The following BANK1 variants were observed in gnomAD, a reference collection of about 807,000 sequenced individuals.
The protein encoded by BANK1 is B-cell scaffold protein with ankyrin repeats.
Under a neutral mutation model 94.5 loss-of-function variants are expected in BANK1, and 95 were observed. The observed-to-expected ratio is 1.00, with a 90% CI of 0.85 to 1.19. BANK1 has a LOEUF of 1.19. Ranked by LOEUF, BANK1 falls within the 50% of genes most tolerant of loss-of-function variation. BANK1 has a pLI of 0.00. For missense variants in BANK1, 987 were observed against 932.2 expected (o/e 1.06, Z -0.77); for synonymous variants, 334 against 308.4 (o/e 1.08, Z -0.87).
chr4:101,950,864 G>T (rs1392176025), intron 7 of BANK1, among the ~76,000 whole-genome samples: 1 of 152,068 alleles, frequency 6.6e-6, no homozygotes, highest in African/African-American at 2.4e-5. Context: ...GAGGTCTTCC[G>T]CCCCAAAACT....
At chr4:102,045,740 G>A (rs200399320) in intron 11 of BANK1, among the ~76,000 whole-genome samples, 41,879 of 149,920 alleles carry the variant, frequency 0.28, 6,815 homozygotes, top group South Asian at 0.44. Flanking sequence ...TACAAGGGAT[G>A]TGAAGGACCT....
intron 10 of BANK1, among the ~76,000 whole-genome samples, chr4:102,039,512 ATTAGAT>A (rs1480421955): frequency 2.0e-5 from 3 of 151,948 alleles, no homozygotes; most frequent in Non-Finnish European, 4.4e-5. Flanking sequence ...CCTTTTTGTG[ATTAGAT>A]TTAAACAGTA....
chr4:101,892,704 A>G (rs1273656449), intron 5 of BANK1, among the ~76,000 whole-genome samples: 2 of 152,048 alleles, frequency 1.3e-5, no homozygotes, highest in Admixed American at 6.5e-5. Flanking sequence ...TTTTATTTCA[A>G]TCTTTCTTTT....
chr4:101,993,821 C>T (rs1384378780), intron 7 of BANK1, among the ~76,000 whole-genome samples: 1 of 152,190 alleles, frequency 6.6e-6, no homozygotes, highest in African/African-American at 2.4e-5. Flanking sequence ...TTCCAGATTC[C>T]ATTTTCCAAA....
chr4:101,936,222 T>C (rs926233047), intron 7 of BANK1, among the ~76,000 whole-genome samples: 3 of 141,176 alleles, frequency 2.1e-5, no homozygotes, highest in East Asian at 2.4e-4. Flanking sequence ...TATGTACATG[T>C]ACACATATAT....
At chr4:101,792,674 ATG>A (rs1488644785) in intron 1 of BANK1, among the ~76,000 whole-genome samples, 2 of 152,100 alleles carry the variant, frequency 1.3e-5, no homozygotes, top group African/African-American at 2.4e-5. Context: ...GCCAAGAGTC[ATG>A]TAGTAGTAAT....
chr4:101,862,523 C>G lies in BANK1; in HGVS notation c.625-3C>G. ...TTAAATGGGTTACATTTTCATCTTA[C>G]AGAATCCTGGTGAAATATTCATAAT... On this transcript the variant is annotated splice_polypyrimidine_tract_variant and splice_region_variant and intron_variant, in intron 3 of 16. Coordinates refer to ENST00000322953, the MANE Select transcript of BANK1 (RefSeq NM_017935.5). 9 of 1,594,948 alleles carry G rather than the reference C, an allele frequency of 5.6e-6. No homozygotes were observed. The highest frequency in any genetic ancestry group is 1.7e-4 in the Middle Eastern group (1 of 5,890).
chr4:101,808,295 A>G (rs1183140585), intron 1 of BANK1, among the ~76,000 whole-genome samples: 2 of 152,162 alleles, frequency 1.3e-5, no homozygotes, highest in African/African-American at 4.8e-5. Flanking sequence ...GTTTTTTAAT[A>G]GAAAAATATG....
intron 7 of BANK1, chr4:101,977,036 A>C (rs937616964): frequency 1.3e-5 from 2 of 152,168 alleles, no homozygotes; most frequent in African/African-American, 4.8e-5. Flanking sequence ...AGTCTGATGC[A>C]TGTAGTCAGG....
rs1296060575 is a variant in BANK1 at position 101,818,692 on chromosome 4, TTTA to T, written c.71-11112_71-11110del. On this transcript the variant is annotated intron_variant, in intron 1 of 16. Coordinates refer to ENST00000322953, the MANE Select transcript of BANK1 (RefSeq NM_017935.5). ...TAATATACTGTTACAGTTGTTCTAT[TTTA>T]TTAATAATTATTGTTGCTATGCTCC... Among the ~76,000 whole-genome samples the T allele has an allele frequency of 3.9e-5, 6 of 152,240 alleles. No homozygotes were observed. The East Asian group carries it at 1.2e-3, about 29-fold the overall frequency.
chr4:101,878,069 A>T (rs1408366123), intron 5 of BANK1, among the ~76,000 whole-genome samples: 1 of 152,196 alleles, frequency 6.6e-6, no homozygotes. Flanking sequence ...AACCAAAAAA[A>T]CAAATATCAA....
intron 7 of BANK1, among the ~76,000 whole-genome samples, chr4:102,007,134 A>AT (rs1560682214): frequency 0.072 from 3,530 of 48,692 alleles, 278 homozygotes; most frequent in Non-Finnish European, 0.11. Flanking sequence ...ATATATATAT[A>AT]AAAAATATAT....
intron 5 of BANK1, among the ~76,000 whole-genome samples, chr4:101,893,747 C>T (rs542468528): frequency 6.6e-5 from 10 of 152,024 alleles, no homozygotes; most frequent in African/African-American, 1.2e-4. Context: ...ACTACATAAA[C>T]AATCATAATT....
chr4:101,792,194 G>C (rs1421160705), intron 1 of BANK1, among the ~76,000 whole-genome samples: 2 of 151,926 alleles, frequency 1.3e-5, no homozygotes, highest in Non-Finnish European at 2.9e-5. Context: ...AATAATGCAA[G>C]AGTAATGTGA....
chr4:102,063,264 G>A, intron 13 of BANK1, 126 bp downstream of exon 13: 1 of 791,612 alleles, frequency 1.3e-6, no homozygotes, highest in Non-Finnish European at 2.0e-6. Flanking sequence ...CTAACCTGGA[G>A]AGGGTCTTAA....
At chr4:101,791,546 T>C (rs1724988525) in intron 1 of BANK1, among the ~76,000 whole-genome samples, 3 of 152,236 alleles carry the variant, frequency 2.0e-5, no homozygotes, top group African/African-American at 7.2e-5. Context: ...TATTTTCAAA[T>C]GGACGTTAAG....
intron 7 of BANK1, among the ~76,000 whole-genome samples, chr4:101,951,020 G>A (rs1724130123): frequency 1.3e-5 from 2 of 152,074 alleles, no homozygotes; most frequent in Non-Finnish European, 2.9e-5. Flanking sequence ...ACAACCAAAT[G>A]TAATGTAGTA....
At chr4:101,869,296 A>G (rs558597057) in intron 4 of BANK1, among the ~76,000 whole-genome samples, 9 of 152,038 alleles carry the variant, frequency 5.9e-5, no homozygotes, top group Admixed American at 2.6e-4. Context: ...TTTGACTCCA[A>G]TAACTCCAGA....
intron 5 of BANK1, among the ~76,000 whole-genome samples, chr4:101,878,166 T>A (rs1728558002): frequency 6.6e-6 from 1 of 151,718 alleles, no homozygotes; most frequent in East Asian, 1.9e-4. Context: ...AATGGCTGAA[T>A]GGATTAAAAA....
Sources: allele counts gnomAD v4.1 joint callset (sites outside exome capture counted in the v4.1 genomes callset), GRCh38; gene constraint gnomAD v4.1.1; transcripts MANE v1.5; gene names NCBI Gene and HGNC (gene_info 2026-07-23, HGNC 2026-07-21).